TSNARE1: variants seen among roughly 807,000 people sequenced by gnomAD.
TSNARE1 encodes the protein t-SNARE domain-containing protein 1.
In TSNARE1, 49 loss-of-function variants were observed where a neutral mutation model predicts 62.0. The observed-to-expected ratio is 0.79, with a 90% CI of 0.63 to 1.00. The LOEUF is 1.00. Among genes scored for constraint, TSNARE1 ranks in the 50% least tolerant of loss-of-function variants. The probability of loss-of-function intolerance (pLI) is 0.00; values close to 1 mark genes in which losing one functional copy is unlikely to be tolerated. For synonymous variants in TSNARE1, 328 were observed against 294.4 expected (o/e 1.11, Z -1.17); for missense variants, 755 against 700.1 (o/e 1.08, Z -0.88).
intron 1 of TSNARE1, among the ~76,000 whole-genome samples, chr8:142,394,662 G>A (rs1208243130): frequency 6.6e-6 from 1 of 152,180 alleles, no homozygotes; most frequent in East Asian, 1.9e-4. Flanking sequence ...ATGGTCTTGG[G>A]AAACTACATC....
upstream of TSNARE1, chr8:142,406,860 C>G (rs1222048874): frequency 6.6e-6 from 1 of 152,232 alleles, no homozygotes; most frequent in African/African-American, 2.4e-5. Context: ...GGGCCTGACA[C>G]AGCCCCAGCA....
chr8:142,385,366 A>AT (rs1837043692), intron 1 of TSNARE1, among the ~76,000 whole-genome samples: 2 of 152,224 alleles, frequency 1.3e-5, no homozygotes, highest in African/African-American at 4.8e-5. Context: ...CACCTTCAAA[A>AT]CAAACCTCAG....
At chr8:142,332,180 A>C (rs2132041569) in intron 4 of TSNARE1, among the ~76,000 whole-genome samples, 1 of 152,322 alleles carries the variant, frequency 6.6e-6, no homozygotes, top group South Asian at 2.1e-4. Context: ...TAAGAGTCAA[A>C]GCACAGCCCC....
chr8:142,349,268 C>T (rs779962640), intron 2 of TSNARE1, among the ~76,000 whole-genome samples: 1 of 152,040 alleles, frequency 6.6e-6, no homozygotes, highest in East Asian at 1.9e-4. Flanking sequence ...CAAGTAATTC[C>T]TAAACAAAGA....
At chr8:142,333,873 G>C (rs1182935420) in intron 4 of TSNARE1, among the ~76,000 whole-genome samples, 1 of 152,214 alleles carries the variant, frequency 6.6e-6, no homozygotes, top group African/African-American at 2.4e-5. Context: ...CTGAGGGACG[G>C]CCCCCCATCA....
At chr8:142,361,721 C>T (rs1835176794) in intron 1 of TSNARE1, among the ~76,000 whole-genome samples, 1 of 152,172 alleles carries the variant, frequency 6.6e-6, no homozygotes, top group African/African-American at 2.4e-5. Context: ...ATGCTACCTT[C>T]ACACTCCCTA....
chr8:142,338,397 G>C (rs1832071371), intron 4 of TSNARE1, among the ~76,000 whole-genome samples: 1 of 152,192 alleles, frequency 6.6e-6, no homozygotes, highest in Admixed American at 6.5e-5. Flanking sequence ...GCAGGAGCTT[G>C]AGGAGGGCAC....
chr8:142,306,444 C>G (rs982230215), intron 9 of TSNARE1, among the ~76,000 whole-genome samples: 1 of 152,226 alleles, frequency 6.6e-6, no homozygotes, highest in Non-Finnish European at 1.5e-5. Flanking sequence ...CTGATGCTGC[C>G]CCAGGGACTG....
chr8:142,305,431 G>A (rs1826504372), intron 9 of TSNARE1, among the ~76,000 whole-genome samples: 3 of 152,084 alleles, frequency 2.0e-5, no homozygotes, highest in Admixed American at 2.0e-4. Context: ...TGGACACCCA[G>A]GAAGGCAGTC....
chr8:142,240,560 C>T (rs1402809531), intron 12 of TSNARE1, among the ~76,000 whole-genome samples: 1 of 152,116 alleles, frequency 6.6e-6, no homozygotes, highest in African/African-American at 2.4e-5. Flanking sequence ...TTCTCAGGCA[C>T]AAATGGAACA....
At chr8:142,296,688 G>A (rs1824815805) in intron 10 of TSNARE1, among the ~76,000 whole-genome samples, 1 of 152,048 alleles carries the variant, frequency 6.6e-6, no homozygotes, top group South Asian at 2.1e-4. Context: ...GGGCAGTGGG[G>A]AGGGCCTCCC....
At chr8:142,252,491 G>A (rs1371733659) in intron 12 of TSNARE1, among the ~76,000 whole-genome samples, 2 of 152,252 alleles carry the variant, frequency 1.3e-5, no homozygotes, top group East Asian at 3.9e-4. Context: ...GTGGTCAGGG[G>A]AAGAAGCGGC....
At chr8:142,381,477 C>CA (rs67202738) in intron 1 of TSNARE1, among the ~76,000 whole-genome samples, 7 of 152,110 alleles carry the variant, frequency 4.6e-5, no homozygotes, top group Non-Finnish European at 7.4e-5. Flanking sequence ...CGCCCCCCCC[C>CA]ACCCCACCAA....
At chr8:142,331,019 C>A in intron 5 of TSNARE1, 49 bp from the exon 6 acceptor site, 2 of 1,559,470 alleles carry the variant, frequency 1.3e-6, no homozygotes, top group African/African-American at 2.7e-5. Context: ...GCTTCCCTGC[C>A]CCCTGCTACT....
intron 9 of TSNARE1, among the ~76,000 whole-genome samples, chr8:142,311,350 T>A (rs1481228675): frequency 1.4e-5 from 2 of 139,470 alleles, no homozygotes; most frequent in African/African-American, 5.5e-5. Flanking sequence ...CAGGCTGGAG[T>A]GCAATGGCAC....
intron 4 of TSNARE1, among the ~76,000 whole-genome samples, chr8:142,334,600 C>T (rs1002186453): frequency 2.9e-4 from 44 of 152,032 alleles, no homozygotes; most frequent in Admixed American, 1.9e-3. Flanking sequence ...AAAAATTTCA[C>T]CAATCCACAA....
In TSNARE1 at chr8:142,256,353, C is replaced by A. The variant is rs1563782756; in HGVS notation, c.1446+18428G>T. On this transcript the variant is annotated intron_variant, in intron 12 of 13. Coordinates refer to ENST00000524325, the MANE Select transcript of TSNARE1 (RefSeq NM_145003.5). The stretch of plus-strand genomic sequence containing the variant: ...TCTTTGCCACCATCATCATCACCAT[C>A]ATTATCACCACCATCATCACCACCA... 2.4e-3 allele frequency among the ~76,000 whole-genome samples: 348 copies of A among 145,682 alleles called. 2 individuals carry two copies. The highest frequency in any genetic ancestry group is 2.5e-3 in the Non-Finnish European group (163 of 65,714).
rs148408564 is a variant in TSNARE1, at chr8:142,268,739, T to C, written c.1446+6042A>G. ...AGGGAGGGTGTGTGACCTTCCTCCA[T>C]TCCTTCCCTACACCCTGCTACCTGA... On this transcript the variant is annotated intron_variant, in intron 12 of 13. Transcript: ENST00000524325. Among the ~76,000 whole-genome samples the C allele has an allele frequency of 1.5e-3, 221 of 152,092 alleles. 2 individuals are homozygous for C. Among genetic ancestry groups the C allele is most frequent in the South Asian group, 6.2e-3 (30 of 4,806 alleles).
chr8:142,213,869 C>T (rs1815694386), intron 13 of TSNARE1, among the ~76,000 whole-genome samples: 1 of 152,162 alleles, frequency 6.6e-6, no homozygotes, highest in Non-Finnish European at 1.5e-5. Flanking sequence ...TGTGGGGCTC[C>T]CCATCAGAGC....
Sources: gnomAD v4.1 joint callset for allele counts (sites outside exome capture counted in the v4.1 genomes callset) on GRCh38, gnomAD v4.1.1 for gene constraint, MANE v1.5 for transcripts, NCBI Gene and HGNC (gene_info 2026-07-23, HGNC 2026-07-21) for gene names.